The following CACNB4 variants were observed in gnomAD, a reference collection of about 807,000 sequenced individuals.
CACNB4 encodes calcium voltage-gated channel auxiliary subunit beta 4, also known as voltage-dependent L-type calcium channel subunit beta-4.
CACNB4 carries 32 observed loss-of-function variants against 71.2 expected under a neutral mutation model. The observed-to-expected ratio is 0.45, with a 90% confidence interval of 0.34 to 0.60. The LOEUF is 0.60. Among genes scored for constraint, CACNB4 ranks in the 20% least tolerant of loss-of-function variants. The pLI, the probability that CACNB4 is intolerant of heterozygous loss-of-function variation, is 0.01. For missense variants in CACNB4, 464 were observed against 647.9 expected, an observed-to-expected ratio of 0.72 and a Z score of 3.08; for synonymous variants, 231 against 236.9, an observed-to-expected ratio of 0.97 and a Z score of 0.23.
chr2:152,037,868 C>A (rs905465444), intron 2 of CACNB4, among the ~76,000 whole-genome samples: 1 of 152,128 alleles, frequency 6.6e-6, no homozygotes, highest in African/African-American at 2.4e-5. Context: ...CTGCTCCCCC[C>A]TCATCCTTGG....
At chr2:152,014,825 C>T (rs1233379508) in intron 2 of CACNB4, among the ~76,000 whole-genome samples, 2 of 151,994 alleles carry the variant, frequency 1.3e-5, no homozygotes, top group African/African-American at 2.4e-5. Flanking sequence ...AGTTTTGTGC[C>T]TCAGAGAACC....
In CACNB4 at chr2:152,098,884, G is replaced by C. The variant is rs1004260535; in HGVS notation, c.63+65C>G. On this transcript the variant is annotated intron_variant, in intron 1 of 13. Transcript: ENST00000539935. The surrounding 1 kb of genome is among the most constrained non-coding windows in gnomAD (Gnocchi z 5.3). ...CCCGGCACGAAGGCGGGGCGCGCTA[G>C]GGCGGCGGAGGAGGTGTGAGGAAGG... The C allele has an allele frequency of 1.6e-6, 2 of 1,251,006 alleles. No individual in the cohort carries two copies. The highest frequency in any genetic ancestry group is 2.5e-4 in the Middle Eastern group (1 of 3,938). The allele number at this position is 1,251,006 out of a possible 1,614,324, so 77.5% of individuals were successfully genotyped here. A position where few individuals can be genotyped will look rare whatever the true frequency, so the allele number is the denominator to read the frequency against.
intron 2 of CACNB4, among the ~76,000 whole-genome samples, chr2:151,933,751 T>C (rs756294882): frequency 1.3e-5 from 2 of 152,176 alleles, no homozygotes; most frequent in Non-Finnish European, 2.9e-5. Flanking sequence ...TCAAACTCCA[T>C]ATATTTTGAG....
chr2:152,092,719 C>A (rs1035011232), intron 2 of CACNB4, among the ~76,000 whole-genome samples: 31 of 151,872 alleles, frequency 2.0e-4, no homozygotes. Flanking sequence ...GAATAGTACT[C>A]TGTAGTATAA....
intron 2 of CACNB4, among the ~76,000 whole-genome samples, chr2:151,984,756 TAAAAG>T (rs1042375810): frequency 6.6e-6 from 1 of 152,108 alleles, no homozygotes; most frequent in African/African-American, 2.4e-5. Context: ...TCTGAAGACA[TAAAAG>T]AAGAGAATGA....
intron 2 of CACNB4, among the ~76,000 whole-genome samples, chr2:151,988,394 C>A (rs1003450531): frequency 1.3e-5 from 2 of 152,076 alleles, no homozygotes; most frequent in Non-Finnish European, 2.9e-5. Context: ...CACATCCTGG[C>A]GGATTCTAAA....
intron 2 of CACNB4, among the ~76,000 whole-genome samples, chr2:151,976,395 G>A (rs1012478560): frequency 6.6e-6 from 1 of 152,210 alleles, no homozygotes; most frequent in Non-Finnish European, 1.5e-5. Context: ...TTCAAGATGA[G>A]GGGCAGTAGG....
intron 2 of CACNB4, chr2:151,936,145 G>A (rs543703694): frequency 1.3e-5 from 2 of 152,348 alleles, no homozygotes; most frequent in East Asian, 1.9e-4. Flanking sequence ...GGATTTTTCT[G>A]TGCTGTTTGA....
chr2:152,054,174 T>A (rs1245953603), intron 2 of CACNB4, among the ~76,000 whole-genome samples: 1 of 151,642 alleles, frequency 6.6e-6, no homozygotes, highest in South Asian at 2.1e-4. Context: ...GAGACCATCC[T>A]GGCTAACGCG....
intron 10 of CACNB4, chr2:151,858,981 T>C (rs192139961): frequency 6.6e-6 from 1 of 152,342 alleles, no homozygotes; most frequent in East Asian, 1.9e-4. Flanking sequence ...ATGGGTAAGA[T>C]ACTGTGTGTG....
chr2:151,896,230 G>C (rs2099852028), intron 2 of CACNB4, among the ~76,000 whole-genome samples: 1 of 152,192 alleles, frequency 6.6e-6, no homozygotes, highest in Non-Finnish European at 1.5e-5. Flanking sequence ...TTTTCTCTTT[G>C]ATCACCAGTC....
chr2:152,013,470 C>T (rs1683171648), intron 2 of CACNB4, among the ~76,000 whole-genome samples: 1 of 152,086 alleles, frequency 6.6e-6, no homozygotes, highest in African/African-American at 2.4e-5. Context: ...CTAGGTTGCT[C>T]GGAGGGAGGG....
intron 2 of CACNB4, among the ~76,000 whole-genome samples, chr2:152,039,773 A>C (rs895715042): frequency 6.6e-6 from 1 of 152,268 alleles, no homozygotes; most frequent in African/African-American, 2.4e-5. Flanking sequence ...AGCGAAGCTC[A>C]GGGAAAACTA....
intron 13 of CACNB4, 147 bp downstream of exon 13, chr2:151,841,752 ATAAT>A: frequency 1.6e-6 from 1 of 634,916 alleles, no homozygotes; most frequent in Non-Finnish European, 2.7e-6. Flanking sequence ...AGGATAGATC[ATAAT>A]TAGATAATAT....
Position 152,080,282 on chromosome 2 carries a change from C to T in CACNB4, c.147+18048G>A, listed in dbSNP as rs771940047. On this transcript the variant is annotated intron_variant, in intron 2 of 13. Transcript: ENST00000539935. The stretch of plus-strand genomic sequence containing the variant: ...GATTACAGGCGCACACCACCACACC[C>T]GGCTAATTTTTTGCATTTTTAGTAG... Among the ~76,000 whole-genome samples the T allele has an allele frequency of 4.6e-5, 7 of 151,934 alleles. No individual in the cohort carries two copies. In the South Asian group the frequency reaches 6.2e-4, roughly 14 times the overall value.
At chr2:152,018,532 G>T (rs1579138673) in intron 2 of CACNB4, among the ~76,000 whole-genome samples, 1 of 152,294 alleles carries the variant, frequency 6.6e-6, no homozygotes, top group South Asian at 2.1e-4. Flanking sequence ...GTCAAGCACA[G>T]TGGTTCATGC....
intron 9 of CACNB4, chr2:151,866,732 C>T (rs189193763): frequency 3.3e-5 from 5 of 152,214 alleles, no homozygotes; most frequent in East Asian, 1.9e-4. Flanking sequence ...ACCCCTCACC[C>T]CTTTAATATC....
chr2:152,038,235 G>T (rs1684695916), intron 2 of CACNB4, among the ~76,000 whole-genome samples: 1 of 152,226 alleles, frequency 6.6e-6, no homozygotes, highest in South Asian at 2.1e-4. Context: ...AAAGTAAGGG[G>T]TTGGTGAGCT....
chr2:151,837,232 G>T lies in CACNB4; in HGVS notation c.*1887C>A, dbSNP rs947643933. On this transcript the variant is annotated 3_prime_UTR_variant, in exon 14 of 14. Transcript: ENST00000539935. ...CATGTTAACTTTTAAAATTTACTAA[G>T]CCCATATTTTTTAATTGTATCAAAT... is the stretch of plus-strand genomic sequence containing the variant. The T allele has an allele frequency of 2.0e-5, 3 of 151,868 alleles. No individual in the cohort carries two copies. Among genetic ancestry groups the T allele is most frequent in the African/African-American group, 2.4e-5 (1 of 41,394 alleles). 9.4% of individuals were successfully genotyped at this position (151,868 alleles called of 1,614,324 possible).
Sources: allele counts gnomAD v4.1 joint callset (sites outside exome capture counted in the v4.1 genomes callset), GRCh38; gene constraint gnomAD v4.1.1; non-coding constraint Gnocchi (gnomAD v3.1); transcripts MANE v1.5; gene names NCBI Gene and HGNC (gene_info 2026-07-23, HGNC 2026-07-21).